The following PDE4D variants were observed in gnomAD, a reference collection of about 807,000 sequenced individuals.
The protein encoded by PDE4D is 3',5'-cyclic-AMP phosphodiesterase 4D.
PDE4D carries 24 observed loss-of-function variants against 87.4 expected under a neutral mutation model. The ratio of observed to expected loss-of-function variants is 0.27; its 90% CI spans 0.20 to 0.39. The LOEUF is 0.39. Among genes scored for constraint, PDE4D ranks in the 10% least tolerant of loss-of-function variants. The pLI, the probability that PDE4D is intolerant of heterozygous loss-of-function variation, is 1.00. For missense variants in PDE4D, 714 were observed against 1,041.0 expected (o/e 0.69, Z 4.32); for synonymous variants, 384 against 383.2 (o/e 1.00, Z -0.02).
At chr5:59,047,618 G>A (rs1182375889) in intron 5 of PDE4D, among the ~76,000 whole-genome samples, 1 of 152,238 alleles carries the variant, frequency 6.6e-6, no homozygotes, top group African/African-American at 2.4e-5. Flanking sequence ...CCCTGAAGGG[G>A]AAGGAGAAGC....
intron 2 of PDE4D, among the ~76,000 whole-genome samples, chr5:60,004,865 T>C (rs1378530692): frequency 6.6e-6 from 1 of 152,158 alleles, no homozygotes; most frequent in Non-Finnish European, 1.5e-5. Context: ...AAACGTAAAT[T>C]GGTAACTCCA....
At chr5:60,469,694 T>C (rs1462592672) in intron 1 of PDE4D, among the ~76,000 whole-genome samples, 1 of 152,200 alleles carries the variant, frequency 6.6e-6, no homozygotes, top group Non-Finnish European at 1.5e-5. Context: ...GTTAGGGTGA[T>C]ATGTGATCAG....
chr5:59,193,752 G>T (rs1200480085), intron 2 of PDE4D: 3 of 985,252 alleles, frequency 3.0e-6, no homozygotes, highest in Middle Eastern at 5.2e-4. Context: ...AAAAAGAGGG[G>T]CTTCTTGATC....
At chr5:60,100,666 C>T (rs1040416207) in intron 2 of PDE4D, among the ~76,000 whole-genome samples, 1 of 152,060 alleles carries the variant, frequency 6.6e-6, no homozygotes. Context: ...GGTTCTTCAA[C>T]CTTGCATTGT....
intron 1 of PDE4D, among the ~76,000 whole-genome samples, chr5:59,749,871 A>C (rs1004978746): frequency 2.0e-5 from 3 of 152,050 alleles, no homozygotes; most frequent in Non-Finnish European, 4.4e-5. Flanking sequence ...GGCATCCCCA[A>C]AATAAATTTT....
chr5:60,373,878 C>T (rs747463345), intron 1 of PDE4D, among the ~76,000 whole-genome samples: 4 of 152,158 alleles, frequency 2.6e-5, no homozygotes, highest in East Asian at 1.9e-4. Context: ...TCTCATGCTG[C>T]GTCACTCTGA....
intron 5 of PDE4D, among the ~76,000 whole-genome samples, chr5:59,140,745 T>C (rs1287652358): frequency 1.3e-5 from 2 of 152,174 alleles, no homozygotes; most frequent in African/African-American, 4.8e-5. Flanking sequence ...GGGTCAATAT[T>C]TTGAGATGGC....
chr5:59,969,463 G>GA (rs1760449796), intron 3 of PDE4D, among the ~76,000 whole-genome samples: 1 of 152,120 alleles, frequency 6.6e-6, no homozygotes, highest in Non-Finnish European at 1.5e-5. Flanking sequence ...TACTCTCAAG[G>GA]GTTTCTGAGA....
intron 2 of PDE4D, among the ~76,000 whole-genome samples, chr5:59,200,034 CACACACACGTATGTACACACATGCATGT>C (rs1274650160): frequency 6.9e-6 from 1 of 145,800 alleles, no homozygotes; most frequent in South Asian, 2.2e-4. Context: ...TACATACATG[CACACACACGTATGTACACACATGCATGT>C]ACACACACGT....
chr5:59,253,189 G>A (rs1474778370), intron 1 of PDE4D, among the ~76,000 whole-genome samples: 1 of 152,120 alleles, frequency 6.6e-6, no homozygotes, highest in African/African-American at 2.4e-5. Context: ...TGGCTTTACA[G>A]CAGCATAATC....
chr5:59,889,034 T>C (rs1750561428), intron 1 of PDE4D, among the ~76,000 whole-genome samples: 1 of 151,410 alleles, frequency 6.6e-6, no homozygotes, highest in African/African-American at 2.4e-5. Flanking sequence ...TGAGACCAGC[T>C]TGGCCAACAT....
chr5:59,990,845 T>C (rs1407656386), intron 2 of PDE4D, among the ~76,000 whole-genome samples: 1 of 152,158 alleles, frequency 6.6e-6, no homozygotes, highest in East Asian at 1.9e-4. Context: ...CTGGGACCTT[T>C]TGATTTTAGC....
chr5:60,095,319 TGTTA>T (rs1367590566), intron 2 of PDE4D, among the ~76,000 whole-genome samples: 2 of 152,154 alleles, frequency 1.3e-5, no homozygotes, highest in Admixed American at 1.3e-4. Context: ...TCTGTTCTTG[TGTTA>T]GTTTGCTGAG....
chr5:59,854,998 A>G (rs1443228762), intron 1 of PDE4D, among the ~76,000 whole-genome samples: 1 of 152,122 alleles, frequency 6.6e-6, no homozygotes, highest in East Asian at 1.9e-4. Flanking sequence ...AGAAATCAGA[A>G]TGCTGGAGAT....
At position 60,368,699 on chromosome 5, in the gene PDE4D, G is replaced by T. The variant is rs554718578; in HGVS notation, c.-90+119243C>A. 2.0e-5 allele frequency among the ~76,000 whole-genome samples: 3 copies of T among 152,262 alleles called. No individual in the cohort carries two copies. The East Asian group carries it at 5.8e-4, about 29-fold the overall frequency. On this transcript the variant is annotated intron_variant, in intron 1 of 16. Transcript: ENST00000502484. ...GGTGGAATGTGATTGCATCATGGGG[G>T]CGGGATGTCCCCCTTGCAGTTCTCG... is the stretch of plus-strand genomic sequence containing the variant.
Position 59,343,345 on chromosome 5 carries a change from G to C in PDE4D, c.456-127377C>G, listed in dbSNP as rs141741585. ...TCCCTCCTGTTCCCATCACCCCCTG[G>C]TAACCCCCTTCTATTATCTGCCTCT... On this transcript the variant is annotated intron_variant, in intron 1 of 14. Transcript: ENST00000340635. 4.8e-4 allele frequency among the ~76,000 whole-genome samples: 73 copies of C among 151,950 alleles called. 1 individual carries two copies. The East Asian group carries it at 0.014, about 29-fold the overall frequency.
At chr5:60,113,458 C>T (rs1777870545) in intron 2 of PDE4D, among the ~76,000 whole-genome samples, 2 of 152,002 alleles carry the variant, frequency 1.3e-5, no homozygotes, top group South Asian at 2.1e-4. Flanking sequence ...TGTGTTGCTC[C>T]CTATTAAGGA....
chr5:59,753,295 C>T (rs748733200), intron 1 of PDE4D, among the ~76,000 whole-genome samples: 2 of 152,036 alleles, frequency 1.3e-5, no homozygotes, highest in Non-Finnish European at 2.9e-5. Context: ...GGGAACAGAA[C>T]AGCAAGAGAT....
chr5:59,029,413 T>A (rs1580390830), intron 6 of PDE4D, among the ~76,000 whole-genome samples: 2 of 37,006 alleles, frequency 5.4e-5, no homozygotes, highest in South Asian at 1.1e-3. Context: ...CGAGACTCCA[T>A]CACAAAAAAA....
Sources: gnomAD v4.1 joint callset for allele counts (sites outside exome capture counted in the v4.1 genomes callset) on GRCh38, gnomAD v4.1.1 for gene constraint, MANE v1.5 for transcripts, NCBI Gene and HGNC (gene_info 2026-07-23, HGNC 2026-07-21) for gene names.